KLHL29: variants seen among roughly 807,000 people sequenced by gnomAD.
KLHL29 encodes kelch like family member 29, also known as kelch-like protein 29.
A neutral mutation model predicts 80.4 loss-of-function variants in KLHL29; 21 were observed. The ratio of observed to expected loss-of-function variants is 0.26; its 90% confidence interval spans 0.19 to 0.38. The LOEUF (loss-of-function observed/expected upper bound fraction) is 0.38, where lower values mean the gene tolerates loss of function less well. KLHL29 is among the 10% of genes least tolerant of loss of function. KLHL29 has a pLI of 1.00. For synonymous variants in KLHL29, 511 were observed against 526.8 expected, an observed-to-expected ratio of 0.97 and a Z score of 0.41; for missense variants, 867 against 1,223.9, an observed-to-expected ratio of 0.71 and a Z score of 4.35.
chr2:23,570,686 G>A lies in KLHL29; in HGVS notation c.285+8205G>A, dbSNP rs76426733. Among the ~76,000 whole-genome samples, 778 of 152,324 alleles carry A rather than the reference G, an allele frequency of 5.1e-3. 7 individuals carry two copies. Among genetic ancestry groups the A allele is most frequent in the African/African-American group, 0.018 (759 of 41,576 alleles). The stretch of plus-strand genomic sequence containing the variant: ...AATTTTTTTCACACCTGAAGGGGTG[G>A]AGACTCAAAACCCACCTGGGCTCCC... On this transcript the variant is annotated intron_variant, in intron 3 of 13. Transcript: ENST00000486442.
chr2:23,659,979 G>A (rs1670359832), intron 5 of KLHL29, among the ~76,000 whole-genome samples: 1 of 152,044 alleles, frequency 6.6e-6, no homozygotes, highest in Non-Finnish European at 1.5e-5. Context: ...CTGTTGCTCA[G>A]GCCACCTGTG....
At chr2:23,502,067 G>A (rs1665463407) in intron 2 of KLHL29, among the ~76,000 whole-genome samples, 1 of 152,176 alleles carries the variant, frequency 6.6e-6, no homozygotes, top group Non-Finnish European at 1.5e-5. Context: ...GTGTAGCCAG[G>A]CCGGGTGCAC....
chr2:23,658,405 A>AG (rs1670305495), intron 5 of KLHL29, among the ~76,000 whole-genome samples: 1 of 152,066 alleles, frequency 6.6e-6, no homozygotes, highest in African/African-American at 2.4e-5. Flanking sequence ...TGCTGATTAG[A>AG]GGGGGGCAGC....
At chr2:23,590,970 C>T (rs916362556) in intron 3 of KLHL29, among the ~76,000 whole-genome samples, 49 of 152,242 alleles carry the variant, frequency 3.2e-4, no homozygotes, top group African/African-American at 1.1e-3. Flanking sequence ...AAGCCGATGA[C>T]AAAATAAGTC....
At chr2:23,403,726 A>AGAGTGTGTGT (rs534136885) in intron 1 of KLHL29, among the ~76,000 whole-genome samples, 569 of 144,100 alleles carry the variant, frequency 3.9e-3, no homozygotes, top group Non-Finnish European at 4.8e-3. Flanking sequence ...AGAGAGAGAG[A>AGAGTGTGTGT]GTGTGTGTGT....
At chr2:23,668,312 C>G (rs1670610127) in intron 5 of KLHL29, 1 of 152,228 alleles carries the variant, frequency 6.6e-6, no homozygotes, top group East Asian at 1.9e-4. Flanking sequence ...AGGCCAGAAG[C>G]TATGCCAGGC....
At chr2:23,676,919 C>T (rs1459185218) in intron 5 of KLHL29, among the ~76,000 whole-genome samples, 1 of 152,082 alleles carries the variant, frequency 6.6e-6, no homozygotes, top group African/African-American at 2.4e-5. Flanking sequence ...GAAAGAGCCC[C>T]CACTCAAGGT....
At chr2:23,500,513 C>A (rs1665408462) in intron 2 of KLHL29, among the ~76,000 whole-genome samples, 1 of 151,976 alleles carries the variant, frequency 6.6e-6, no homozygotes, top group Non-Finnish European at 1.5e-5. Flanking sequence ...GTAGAGACAC[C>A]CACCTGGCCA....
chr2:23,666,547 G>C (rs1030087963), intron 5 of KLHL29, among the ~76,000 whole-genome samples: 2 of 152,244 alleles, frequency 1.3e-5, no homozygotes, highest in African/African-American at 4.8e-5. Flanking sequence ...AGGGTGCCTT[G>C]AAGTTATGGA....
chr2:23,563,132 C>T lies in KLHL29; in HGVS notation c.285+651C>T, dbSNP rs185944496. 8.1e-4 allele frequency among the ~76,000 whole-genome samples: 124 copies of T among 152,352 alleles called. 1 individual carries two copies. The highest frequency in any genetic ancestry group is 2.9e-3 in the African/African-American group (121 of 41,588). On this transcript the variant is annotated intron_variant, in intron 3 of 13. Transcript: ENST00000486442. ...CCACAGCTGGCTTCAGGGATGTCAG[C>T]GCCAGGTCATTCCCGTTTCTTTCAG...
chr2:23,565,593 C>CT (rs35496350), intron 3 of KLHL29, among the ~76,000 whole-genome samples: 11,018 of 151,804 alleles, frequency 0.073, 580 homozygotes, highest in Non-Finnish European at 0.11. Context: ...GAGTTTAAAG[C>CT]TTTTTTCAGC....
chr2:23,534,434 CTTTATTGTTT>C (rs1396493086), intron 2 of KLHL29, among the ~76,000 whole-genome samples: 2 of 152,158 alleles, frequency 1.3e-5, no homozygotes, highest in Non-Finnish European at 2.9e-5. Flanking sequence ...ATTTTCCTCT[CTTTATTGTTT>C]TCTATTGAAA....
chr2:23,484,300 C>A (rs538568578), intron 2 of KLHL29, among the ~76,000 whole-genome samples: 26 of 152,182 alleles, frequency 1.7e-4, no homozygotes, highest in African/African-American at 6.3e-4. Flanking sequence ...CACACAGAGC[C>A]CGAGCTCACC....
intron 1 of KLHL29, among the ~76,000 whole-genome samples, chr2:23,433,293 A>T (rs1025896562): frequency 3.3e-5 from 5 of 152,252 alleles, no homozygotes; most frequent in Admixed American, 6.5e-5. Context: ...TTACCAGTGC[A>T]CCTGAATTAT....
At chr2:23,504,401 G>A (rs560922710) in intron 2 of KLHL29, among the ~76,000 whole-genome samples, 1 of 152,308 alleles carries the variant, frequency 6.6e-6, no homozygotes, top group African/African-American at 2.4e-5. Flanking sequence ...GCTACAGGCA[G>A]GGATGTCTAC....
intron 6 of KLHL29, among the ~76,000 whole-genome samples, chr2:23,686,395 C>T (rs1671261400): frequency 1.3e-5 from 2 of 152,156 alleles, no homozygotes; most frequent in South Asian, 4.1e-4. Flanking sequence ...GACTCCGCCG[C>T]TTGTCTTGTG....
At chr2:23,494,949 C>T (rs1665214423) in intron 2 of KLHL29, among the ~76,000 whole-genome samples, 1 of 152,216 alleles carries the variant, frequency 6.6e-6, no homozygotes, top group Non-Finnish European at 1.5e-5. Context: ...GTAAGCCAAT[C>T]TCTCCTTCCC....
chr2:23,568,784 G>A (rs185840116), intron 3 of KLHL29, among the ~76,000 whole-genome samples: 4 of 152,332 alleles, frequency 2.6e-5, no homozygotes, highest in African/African-American at 9.6e-5. Context: ...ATCTACCCAT[G>A]GAGTGTTCCC....
chr2:23,390,652 T>TC (rs1056582518), intron 1 of KLHL29, among the ~76,000 whole-genome samples: 2 of 145,670 alleles, frequency 1.4e-5, no homozygotes, highest in African/African-American at 5.0e-5. Context: ...CATCTTTACT[T>TC]TTTTTTTTTT....
Sources: allele counts gnomAD v4.1 joint callset (sites outside exome capture counted in the v4.1 genomes callset), GRCh38; gene constraint gnomAD v4.1.1; transcripts MANE v1.5; gene names NCBI Gene and HGNC (gene_info 2026-07-23, HGNC 2026-07-21).